ADA2: variants seen among roughly 807,000 people sequenced by gnomAD.
ADA2 encodes the protein adenosine deaminase CECR1.
ADA2 carries 29 observed loss-of-function variants against 44.2 expected under a neutral mutation model. The observed-to-expected ratio is 0.66, with a 90% CI of 0.49 to 0.89. The LOEUF is 0.89. Ranked by LOEUF, ADA2 falls within the 40% of genes least tolerant of loss-of-function variation. The probability of loss-of-function intolerance (pLI) is 0.00; values close to 1 mark genes in which losing one functional copy is unlikely to be tolerated. For synonymous variants in ADA2, 215 were observed against 234.9 expected, an observed-to-expected ratio of 0.92 and a Z score of 0.77; for missense variants, 637 against 644.8, an observed-to-expected ratio of 0.99 and a Z score of 0.13.
intron 2 of ADA2, among the ~76,000 whole-genome samples, chr22:17,208,585 C>A (rs2062381734): frequency 6.6e-6 from 1 of 151,628 alleles, no homozygotes. Context: ...TGTGGATTGC[C>A]TGAGCTCAGG....
intron 1 of ADA2, among the ~76,000 whole-genome samples, chr22:17,212,731 G>A (rs772085422): frequency 2.0e-5 from 3 of 151,384 alleles, no homozygotes; most frequent in Admixed American, 6.6e-5. Flanking sequence ...TGGCCAATAC[G>A]TATACGAATA....
chr22:17,209,272 G>T, intron 2 of ADA2, 84 bp downstream of exon 2: 1 of 1,131,966 alleles, frequency 8.8e-7, no homozygotes, highest in Non-Finnish European at 1.3e-6. Flanking sequence ...ATCTAGAATA[G>T]CAACAGCCAC....
chr22:17,210,528 G>A (rs1377972262), intron 1 of ADA2, among the ~76,000 whole-genome samples: 2 of 151,878 alleles, frequency 1.3e-5, no homozygotes, highest in East Asian at 1.9e-4. Flanking sequence ...GGTCAAACAA[G>A]CCCTGGCTCA....
chr22:17,194,650 G>A (rs1172430125), intron 4 of ADA2, among the ~76,000 whole-genome samples: 1 of 152,030 alleles, frequency 6.6e-6, no homozygotes, highest in African/African-American at 2.4e-5. Flanking sequence ...ACTCTGCTCG[G>A]GCAGTTTCCC....
rs112735385 is a variant in ADA2 at position 17,193,091 on chromosome 22, C to CA, written c.754-1282dup. 7.4e-3 allele frequency: 7,629 copies of CA among 1,025,292 alleles called. 19 individuals carry two copies. The highest frequency in any genetic ancestry group is 0.027 in the African/African-American group (1,631 of 61,544). The allele number at this position is 1,025,292 out of a possible 1,614,324, so 63.5% of individuals were successfully genotyped here. A position where few individuals can be genotyped will look rare whatever the true frequency, so the allele number is the denominator to read the frequency against. On this transcript the variant is annotated intron_variant, in intron 4 of 9. Coordinates refer to ENST00000399837, the MANE Select transcript of ADA2 (RefSeq NM_001282225.2). The stretch of plus-strand genomic sequence containing the variant: ...TGCCCAACAGTGGTTATGGGAGCAA[C>CA]AAAAAAAAACAAAGAACACGCTGCC...
At position 17,208,846 on chromosome 22, in the gene ADA2, G is replaced by T. The variant is rs879907430; in HGVS notation, c.322+510C>A. Among the ~76,000 whole-genome samples the T allele has an allele frequency of 2.1e-5, 3 of 143,264 alleles. 1 individual carries two copies. Among genetic ancestry groups the T allele is most frequent in the African/African-American group, 5.3e-5 (2 of 37,890 alleles). 94.0% of individuals were successfully genotyped at this position (143,264 alleles called of 152,430 possible). A position where few individuals can be genotyped will look rare whatever the true frequency, so the allele number is the denominator to read the frequency against. ...TAAAAAAAAAAATTAACATTTTTTG[G>T]GGAACAGGGTCTTGCTCTGTCGCCC... On this transcript the variant is annotated intron_variant, in intron 2 of 9. Transcript: ENST00000399837.
chr22:17,187,145 C>T (rs893510957), intron 7 of ADA2, among the ~76,000 whole-genome samples: 1 of 147,138 alleles, frequency 6.8e-6, no homozygotes, highest in Non-Finnish European at 1.5e-5. Flanking sequence ...CCAGCCTGGG[C>T]CACAGAGCGA....
At chr22:17,188,868 A>AAAAAAAAAAATATATAT in intron 6 of ADA2, 5 of 81,128 alleles carry the variant, frequency 6.2e-5, no homozygotes, top group Non-Finnish European at 1.4e-4. Flanking sequence ...AAGAGCAAAA[A>AAAAAAAAAAATATATAT]ATATATATAT....
At chr22:17,197,837 G>A (rs183827407) in intron 4 of ADA2, among the ~76,000 whole-genome samples, 30 of 152,170 alleles carry the variant, frequency 2.0e-4, no homozygotes, top group East Asian at 1.2e-3. Context: ...TCACGAATTC[G>A]AGACCAGCCT....
At chr22:17,187,166 CAA>C (rs34453748) in intron 7 of ADA2, among the ~76,000 whole-genome samples, 15 of 127,428 alleles carry the variant, frequency 1.2e-4, no homozygotes, top group East Asian at 9.2e-4. Context: ...GACTCCATCT[CAA>C]AAAAAAAAAA....
intron 7 of ADA2, among the ~76,000 whole-genome samples, chr22:17,184,892 ACAC>A (rs2062017029): frequency 8.2e-6 from 1 of 121,804 alleles, no homozygotes; most frequent in Non-Finnish European, 1.7e-5. Flanking sequence ...TCACGCCACC[ACAC>A]TCTAGCCTGG....
chr22:17,182,464 T>A (rs1306584236), intron 8 of ADA2, 140 bp downstream of exon 8: 3 of 872,718 alleles, frequency 3.4e-6, no homozygotes, highest in Non-Finnish European at 5.5e-6. Context: ...TGAATAACTT[T>A]ACTAACAGGG....
chr22:17,192,837 A>T (rs1480530102), intron 4 of ADA2: 1 of 373,130 alleles, frequency 2.7e-6, no homozygotes, highest in East Asian at 7.1e-5. Flanking sequence ...TCGAAAAAAA[A>T]AAAGGGGGGG....
chr22:17,181,731 C>A (rs746116155), intron 9 of ADA2, 89 bp downstream of exon 9: 2 of 1,201,940 alleles, frequency 1.7e-6, no homozygotes, highest in East Asian at 2.3e-5. Flanking sequence ...CAGGAACCAT[C>A]GAGGCATCTG....
chr22:17,191,965 CTGCCCAGCCACCCT>C (rs1407514347), intron 4 of ADA2, among the ~76,000 whole-genome samples, 155 bp from the exon 5 acceptor site: 1 of 150,922 alleles, frequency 6.6e-6, no homozygotes, highest in Non-Finnish European at 1.5e-5. Flanking sequence ...CCAGCCACCC[CTGCCCAGCCACCCT>C]TGCCCAGCCA....
At chr22:17,203,065 T>C (rs548941017) in intron 4 of ADA2, among the ~76,000 whole-genome samples, 1 of 152,220 alleles carries the variant, frequency 6.6e-6, no homozygotes, top group South Asian at 2.1e-4. Flanking sequence ...TGAGCCACCA[T>C]GCCCGGCCGT....
chr22:17,182,132 A>G, intron 8 of ADA2, 110 bp from the exon 9 acceptor site: 4 of 817,450 alleles, frequency 4.9e-6, no homozygotes, highest in South Asian at 3.4e-5. Context: ...TCCCATCACT[A>G]TCTCCCCAGT....
intron 1 of ADA2, among the ~76,000 whole-genome samples, chr22:17,211,354 A>G (rs536285194): frequency 5.3e-5 from 8 of 151,658 alleles, no homozygotes; most frequent in African/African-American, 1.9e-4. Flanking sequence ...GCAAGACTCA[A>G]TCTCAAAATA....
chr22:17,179,714 G>A lies in ADA2; in HGVS notation c.*1769C>T, dbSNP rs1001141877. On this transcript the variant is annotated 3_prime_UTR_variant, in exon 10 of 10. Coordinates refer to ENST00000399837, the MANE Select transcript of ADA2 (RefSeq NM_001282225.2). ...GTTGGGGCCCTCTGGGTGACTGGGA[G>A]AGGAAGGCGCCGGAATGGATCCAGA... 7 of 152,472 alleles carry A rather than the reference G, an allele frequency of 4.6e-5. No individual in the cohort carries two copies. The highest frequency in any genetic ancestry group is 1.0e-4 in the Non-Finnish European group (7 of 68,228). The allele number at this position is 152,472 out of a possible 1,614,324, so 9.4% of individuals were successfully genotyped here.
Sources: allele counts gnomAD v4.1 joint callset (sites outside exome capture counted in the v4.1 genomes callset), GRCh38; gene constraint gnomAD v4.1.1; transcripts MANE v1.5; gene names NCBI Gene and HGNC (gene_info 2026-07-23, HGNC 2026-07-21).